SKAP2: variants seen among roughly 807,000 people sequenced by gnomAD.
SKAP2 encodes src kinase associated phosphoprotein 2, also known as src kinase-associated phosphoprotein 2.
SKAP2 carries 28 observed loss-of-function variants against 54.9 expected under a neutral mutation model. The observed-to-expected ratio is 0.51, with a 90% CI of 0.38 to 0.70. The LOEUF (loss-of-function observed/expected upper bound fraction) is 0.70, where lower values mean the gene tolerates loss of function less well. SKAP2 is among the 30% of genes least tolerant of loss of function. The pLI, the probability that SKAP2 is intolerant of heterozygous loss-of-function variation, is 0.00. For synonymous variants in SKAP2, 137 were observed against 134.3 expected, an observed-to-expected ratio of 1.02 and a Z score of -0.14; for missense variants, 356 against 424.1, an observed-to-expected ratio of 0.84 and a Z score of 1.41.
chr7:26,701,915 T>G (rs1787035903), intron 9 of SKAP2, among the ~76,000 whole-genome samples: 1 of 152,040 alleles, frequency 6.6e-6, no homozygotes. Context: ...TACCACAATA[T>G]TTTTGCTTAT....
intron 4 of SKAP2, among the ~76,000 whole-genome samples, chr7:26,758,877 C>A (rs1189346617): frequency 1.3e-5 from 2 of 152,196 alleles, no homozygotes; most frequent in Non-Finnish European, 2.9e-5. Flanking sequence ...TAGCCAAAGG[C>A]TTCAAAACAA....
chr7:26,821,320 G>A (rs184691227), intron 4 of SKAP2, among the ~76,000 whole-genome samples: 72 of 152,144 alleles, frequency 4.7e-4, no homozygotes, highest in African/African-American at 1.6e-3. Flanking sequence ...TCAAATGAAC[G>A]CCAAAGAAAA....
intron 1 of SKAP2, among the ~76,000 whole-genome samples, chr7:26,858,525 G>C: frequency 6.6e-6 from 1 of 152,118 alleles, no homozygotes; most frequent in African/African-American, 2.4e-5. Context: ...AGCAGTTTAA[G>C]TTAGAAATCT....
chr7:26,855,132 T>C (rs1785133190), intron 1 of SKAP2: 1 of 254,746 alleles, frequency 3.9e-6, no homozygotes, highest in Admixed American at 5.3e-5. Flanking sequence ...GCAAATACTA[T>C]TTGGATGTTT....
At chr7:26,718,312 TGAAAG>T (rs1321875308) in intron 9 of SKAP2, among the ~76,000 whole-genome samples, 1 of 149,582 alleles carries the variant, frequency 6.7e-6, no homozygotes, top group African/African-American at 2.5e-5. Flanking sequence ...AGGAAGAAAA[TGAAAG>T]GAAGAAAATT....
chr7:26,812,819 A>G (rs888771416), intron 4 of SKAP2, among the ~76,000 whole-genome samples: 5 of 151,666 alleles, frequency 3.3e-5, no homozygotes, highest in African/African-American at 1.2e-4. Context: ...GAGAAAAGCC[A>G]TAAAACCATG....
At chr7:26,687,383 T>C (rs1053824391) in intron 10 of SKAP2, among the ~76,000 whole-genome samples, 1 of 151,936 alleles carries the variant, frequency 6.6e-6, no homozygotes, top group Non-Finnish European at 1.5e-5. Context: ...ATGATGATGT[T>C]ACCCAAAGAC....
At chr7:26,864,206 A>C (rs1785326102) in intron 1 of SKAP2, among the ~76,000 whole-genome samples, 157 bp downstream of exon 1, 3 of 151,948 alleles carry the variant, frequency 2.0e-5, no homozygotes, top group South Asian at 4.2e-4. Context: ...GAGACAAAAC[A>C]ACCCCTCTCC....
At chr7:26,798,660 A>C (rs900567412) in intron 4 of SKAP2, among the ~76,000 whole-genome samples, 2 of 152,238 alleles carry the variant, frequency 1.3e-5, no homozygotes, top group Non-Finnish European at 2.9e-5. Flanking sequence ...TCTTATCCTA[A>C]GTAAAAAGAC....
In SKAP2 at chr7:26,690,296, T is replaced by TG. The variant is rs781375969; in HGVS notation, c.862dup (p.His288ProfsTer7). 1.1e-5 allele frequency: 18 copies of TG among 1,608,058 alleles called. No homozygotes were observed. The highest frequency in any genetic ancestry group is 1.5e-5 in the Non-Finnish European group (18 of 1,174,668). ...ACACAAGTCATTACCTGAGGTGTGA[T>TG]GGACACTATCCTGACTCATCTTCCT... On this transcript the variant is annotated frameshift_variant, in exon 10 of 13. Transcript: ENST00000345317. LOFTEE classifies it high-confidence loss of function.
At chr7:26,770,396 G>T (rs779918726) in intron 4 of SKAP2, among the ~76,000 whole-genome samples, 1 of 152,194 alleles carries the variant, frequency 6.6e-6, no homozygotes, top group African/African-American at 2.4e-5. Flanking sequence ...TGGGCTCTGT[G>T]GGGGTGGGAT....
At chr7:26,760,493 G>GT (rs1038762500) in intron 4 of SKAP2, among the ~76,000 whole-genome samples, 7 of 152,034 alleles carry the variant, frequency 4.6e-5, no homozygotes, top group African/African-American at 1.4e-4. Flanking sequence ...CATATACTAT[G>GT]TTTTTTCCCA....
Position 26,858,614 on chromosome 7 carries a change from T to G in SKAP2, c.68-3724A>C, listed in dbSNP as rs190564498. ...ACTCCAATCTTCCTTTTTCCCCCCT[T>G]TTAACATATAGACCTCCTAAAAAAC... On this transcript the variant is annotated intron_variant, in intron 1 of 12. Transcript: ENST00000345317. Among the ~76,000 whole-genome samples, 991 of 152,112 alleles carry G rather than the reference T, an allele frequency of 6.5e-3. 7 individuals are homozygous for G. Among genetic ancestry groups the G allele is most frequent in the Non-Finnish European group, 9.2e-3 (628 of 67,992 alleles).
intron 9 of SKAP2, among the ~76,000 whole-genome samples, chr7:26,718,628 C>T (rs1179947494): frequency 6.6e-6 from 1 of 151,992 alleles, no homozygotes; most frequent in Admixed American, 6.5e-5. Flanking sequence ...GCCTCAGCAC[C>T]CCGAGTAGCC....
intron 9 of SKAP2, among the ~76,000 whole-genome samples, chr7:26,715,827 T>C (rs1328332875): frequency 6.6e-6 from 1 of 152,200 alleles, no homozygotes. Context: ...CTACAAGTTG[T>C]TATTTGTACT....
chr7:26,689,481 G>C (rs764213804), intron 10 of SKAP2, among the ~76,000 whole-genome samples: 1 of 152,176 alleles, frequency 6.6e-6, no homozygotes, highest in Non-Finnish European at 1.5e-5. Flanking sequence ...ATTTTGTACA[G>C]AGTGTGTGCA....
intron 4 of SKAP2, among the ~76,000 whole-genome samples, chr7:26,833,790 G>A (rs143243777): frequency 6.5e-4 from 99 of 152,024 alleles, no homozygotes; most frequent in African/African-American, 2.3e-3. Context: ...TTAGATCAAC[G>A]AGACAGAAAA....
At chr7:26,787,950 A>G (rs952732776) in intron 4 of SKAP2, among the ~76,000 whole-genome samples, 38 of 151,998 alleles carry the variant, frequency 2.5e-4, no homozygotes, top group African/African-American at 7.0e-4. Flanking sequence ...CCACCTCCCA[A>G]CTGTAAGTGA....
chr7:26,821,842 C>G (rs1318517367), intron 4 of SKAP2, among the ~76,000 whole-genome samples: 1 of 152,160 alleles, frequency 6.6e-6, no homozygotes, highest in East Asian at 1.9e-4. Flanking sequence ...CCGGTTCTTC[C>G]CAGGCCTGAG....
Sources: gnomAD v4.1 joint callset for allele counts (sites outside exome capture counted in the v4.1 genomes callset) on GRCh38, gnomAD v4.1.1 for gene constraint, MANE v1.5 for transcripts, NCBI Gene and HGNC (gene_info 2026-07-23, HGNC 2026-07-21) for gene names.